MACROD2: variants seen among roughly 807,000 people sequenced by gnomAD.
The protein encoded by MACROD2 is ADP-ribose glycohydrolase MACROD2.
A neutral mutation model predicts 70.4 loss-of-function variants in MACROD2; 36 were observed. The observed-to-expected ratio is 0.51, with a 90% CI of 0.39 to 0.68. The LOEUF (loss-of-function observed/expected upper bound fraction) is 0.68, where lower values mean the gene tolerates loss of function less well. Ranked by LOEUF, MACROD2 falls within the 30% of genes least tolerant of loss-of-function variation. MACROD2 has a pLI of 0.00. For synonymous variants in MACROD2, 172 were observed against 178.8 expected, an observed-to-expected ratio of 0.96 and a Z score of 0.30; for missense variants, 496 against 538.4, an observed-to-expected ratio of 0.92 and a Z score of 0.78.
At chr20:14,169,301 CT>C (rs199854457) in intron 3 of MACROD2, among the ~76,000 whole-genome samples, 1 of 151,238 alleles carries the variant, frequency 6.6e-6, no homozygotes, top group South Asian at 2.1e-4. Flanking sequence ...ATCAATTATA[CT>C]TTTTTTTGGG....
intron 4 of MACROD2, among the ~76,000 whole-genome samples, chr20:14,584,707 A>C (rs1427674932): frequency 2.6e-5 from 4 of 152,158 alleles, no homozygotes; most frequent in Non-Finnish European, 5.9e-5. Flanking sequence ...ATCTTTAAAA[A>C]TTGGTGCATC....
intron 5 of MACROD2, among the ~76,000 whole-genome samples, chr20:14,814,734 T>C (rs1297422212): frequency 1.3e-5 from 2 of 152,000 alleles, no homozygotes; most frequent in Non-Finnish European, 2.9e-5. Flanking sequence ...ACAAAGTTAT[T>C]GTCATCCTTG....
chr20:15,220,572 A>G (rs2076851002), intron 5 of MACROD2, among the ~76,000 whole-genome samples: 1 of 152,232 alleles, frequency 6.6e-6, no homozygotes, highest in South Asian at 2.1e-4. Flanking sequence ...ACCGATGGAA[A>G]CTTCTCAGAA....
chr20:14,896,402 C>A (rs543940424), intron 5 of MACROD2, among the ~76,000 whole-genome samples: 1 of 152,180 alleles, frequency 6.6e-6, no homozygotes, highest in African/African-American at 2.4e-5. Context: ...ATTATCCTTG[C>A]TTTTAAAAAA....
rs1258512749 is a variant in MACROD2 at position 15,825,504 on chromosome 20, GT to G, written c.646-37230del. Among the ~76,000 whole-genome samples the G allele has an allele frequency of 6.7e-4, 99 of 146,820 alleles. 1 individual carries two copies. The highest frequency in any genetic ancestry group is 2.0e-3 in the African/African-American group (82 of 40,142). ...ATAAAATGGTTTTTTTTTGTTGTTG[GT>G]TTTTTTTTTTCGAGACAGAGCCTCG... On this transcript the variant is annotated intron_variant, in intron 8 of 17. Transcript: ENST00000684519.
chr20:15,249,257 G>A lies in MACROD2; in HGVS notation c.540+19196G>A, dbSNP rs576713000. 3.0e-3 allele frequency among the ~76,000 whole-genome samples: 452 copies of A among 152,322 alleles called. 2 individuals are homozygous for A. Among genetic ancestry groups the A allele is most frequent in the South Asian group, 0.016 (78 of 4,830 alleles). On this transcript the variant is annotated intron_variant, in intron 6 of 17. Transcript: ENST00000684519. Reference sequence around the variant, plus strand: ...CTATGGGAGTAGTCTGCAGGGGAACGCTGCAAAGACCAGGAGCAGGGTGAC... The same window carrying A: ...CTATGGGAGTAGTCTGCAGGGGAACACTGCAAAGACCAGGAGCAGGGTGAC...
At chr20:14,770,404 G>A (rs1389051250) in intron 5 of MACROD2, among the ~76,000 whole-genome samples, 1 of 151,358 alleles carries the variant, frequency 6.6e-6, no homozygotes, top group Non-Finnish European at 1.5e-5. Flanking sequence ...TTTTAGCTTT[G>A]GTAAAAATAA....
chr20:14,663,628 A>T (rs1401155130), intron 4 of MACROD2, among the ~76,000 whole-genome samples: 1 of 151,952 alleles, frequency 6.6e-6, no homozygotes, highest in Non-Finnish European at 1.5e-5. Flanking sequence ...AATATTAACA[A>T]TTGAGAAATC....
At chr20:15,779,571 T>G (rs535241874) in intron 8 of MACROD2, among the ~76,000 whole-genome samples, 4 of 152,116 alleles carry the variant, frequency 2.6e-5, no homozygotes, top group Non-Finnish European at 4.4e-5. Context: ...TCTGGAAAAC[T>G]TACTGGCTGG....
intron 5 of MACROD2, among the ~76,000 whole-genome samples, chr20:15,116,787 A>G (rs1190752427): frequency 2.0e-5 from 3 of 152,226 alleles, no homozygotes. Context: ...TATGTTATCC[A>G]TAAAGCTTCT....
At chr20:15,301,787 C>A (rs544587139) in intron 6 of MACROD2, among the ~76,000 whole-genome samples, 1 of 151,790 alleles carries the variant, frequency 6.6e-6, no homozygotes, top group African/African-American at 2.4e-5. Context: ...CCTAGAGAGG[C>A]GCCAGGAGAG....
At chr20:15,660,560 G>A (rs376198227) in intron 8 of MACROD2, among the ~76,000 whole-genome samples, 6 of 152,128 alleles carry the variant, frequency 3.9e-5, no homozygotes, top group African/African-American at 9.6e-5. Flanking sequence ...TAATTTCCTC[G>A]GAATGGTATT....
intron 4 of MACROD2, among the ~76,000 whole-genome samples, chr20:14,520,120 T>C (rs911498774): frequency 1.3e-5 from 2 of 152,158 alleles, no homozygotes; most frequent in African/African-American, 4.8e-5. Context: ...GGTACTATGC[T>C]TGGTACCTGG....
rs199771588 is a variant in MACROD2 at position 15,021,327 on chromosome 20, CGT to C, written c.419-208606_419-208605del. ...ACATATACATATACATATACATACACGTGTGTGTATGTATACACACAGATGTA... is the reference window on the plus strand; with the variant it reads ...ACATATACATATACATATACATACACGTGTGTATGTATACACACAGATGTA... On this transcript the variant is annotated intron_variant, in intron 5 of 17. Transcript: ENST00000684519. Among the ~76,000 whole-genome samples the C allele has an allele frequency of 8.8e-3, 1,169 of 132,182 alleles. 14 individuals are homozygous for C. The highest frequency in any genetic ancestry group is 0.033 in the African/African-American group (1,094 of 33,286). The allele number at this position is 132,182 out of a possible 152,430, so 86.7% of individuals were successfully genotyped here. A position where few individuals can be genotyped will look rare whatever the true frequency, so the allele number is the denominator to read the frequency against.
intron 4 of MACROD2, among the ~76,000 whole-genome samples, chr20:14,517,851 C>G (rs1213382773): frequency 2.0e-5 from 3 of 151,848 alleles, no homozygotes; most frequent in Admixed American, 6.6e-5. Context: ...TATATATTTT[C>G]TGGGCTCTTT....
At chr20:14,847,131 TA>T (rs150611685) in intron 5 of MACROD2, among the ~76,000 whole-genome samples, 4 of 152,124 alleles carry the variant, frequency 2.6e-5, no homozygotes, top group African/African-American at 4.8e-5. Flanking sequence ...TTGGTTACTT[TA>T]AAAAAAGAGT....
chr20:15,602,747 G>A (rs1336594961), intron 8 of MACROD2, among the ~76,000 whole-genome samples: 1 of 152,190 alleles, frequency 6.6e-6, no homozygotes, highest in East Asian at 1.9e-4. Context: ...CCTGTGTAAT[G>A]AGGGCAGAAG....
At chr20:14,623,878 T>C (rs1378955235) in intron 4 of MACROD2, among the ~76,000 whole-genome samples, 1 of 152,232 alleles carries the variant, frequency 6.6e-6, no homozygotes, top group Non-Finnish European at 1.5e-5. Flanking sequence ...AAGTACATGG[T>C]TGGCAGCCAT....
intron 5 of MACROD2, among the ~76,000 whole-genome samples, chr20:14,964,594 A>T (rs927418781): frequency 5.9e-5 from 9 of 152,020 alleles, no homozygotes; most frequent in Non-Finnish European, 1.3e-4. Flanking sequence ...AAAAATAAAA[A>T]AAAAATAAAG....
Sources: gnomAD v4.1 joint callset for allele counts (sites outside exome capture counted in the v4.1 genomes callset) on GRCh38, gnomAD v4.1.1 for gene constraint, MANE v1.5 for transcripts, NCBI Gene and HGNC (gene_info 2026-07-23, HGNC 2026-07-21) for gene names.